The following HUWE1 variants were observed in gnomAD, a reference collection of about 807,000 sequenced individuals.
HUWE1 encodes E3 ubiquitin-protein ligase HUWE1.
In HUWE1, 18 loss-of-function variants were observed where a neutral mutation model predicts 299.4. The ratio of observed to expected loss-of-function variants is 0.06; its 90% CI spans 0.04 to 0.09. The LOEUF (loss-of-function observed/expected upper bound fraction) is 0.09. HUWE1 is among the 10% of genes least tolerant of loss of function. HUWE1 has a pLI of 1.00. For missense variants in HUWE1, 1,832 were observed against 3,462.3 expected (o/e 0.53, Z 11.82); for synonymous variants, 1,317 against 1,286.1 (o/e 1.02, Z -0.51).
rs183873245 is a variant in HUWE1, at chrX:53,596,697, T to C, written c.3164-1294A>G. On this transcript the variant is annotated intron_variant, in intron 29 of 83. Coordinates refer to ENST00000262854, the MANE Select transcript of HUWE1 (RefSeq NM_031407.7). Reference sequence around the variant, plus strand: ...GTGATCTCTCATGGTTCTCGCATTGTTTTTCATGTTTACCGCAATACTGAA... The same window carrying C: ...GTGATCTCTCATGGTTCTCGCATTGCTTTTCATGTTTACCGCAATACTGAA... 2.9e-4 allele frequency among the ~76,000 whole-genome samples: 32 copies of C among 112,157 alleles called. 1 individual carries two copies. The highest frequency in any genetic ancestry group is 8.4e-4 in the African/African-American group (26 of 30,871).
At chrX:53,626,133 A>G in intron 17 of HUWE1, 1 of 318,380 alleles carries the variant, frequency 3.1e-6, no homozygotes, top group Admixed American at 4.1e-5. Flanking sequence ...TGTGAAATGA[A>G]TATAAAAATG....
At chrX:53,602,703 A>AT in intron 27 of HUWE1, 45 bp from the exon 28 acceptor site, 1 of 662,107 alleles carries the variant, frequency 1.5e-6, no homozygotes, top group Non-Finnish European at 2.4e-6. Context: ...ATATATATAT[A>AT]TACTGATAAT....
At position 53,588,373 on chromosome X, in the gene HUWE1, A is replaced by G. The variant is rs1556975187; in HGVS notation, c.4614+9T>C. 8.3e-7 allele frequency: 1 copy of G among 1,206,731 alleles called. No individual in the cohort carries two copies. The highest frequency in any genetic ancestry group is 2.2e-5 in the Admixed American group (1 of 45,941). ...ATGAATTACAAGGCCCCAAAGATCT[A>G]AATCTTACCTCAAAAAGTAGCGTTA... is the stretch of plus-strand genomic sequence containing the variant. On this transcript the variant is annotated intron_variant, in intron 37 of 83. Coordinates refer to ENST00000262854, the MANE Select transcript of HUWE1 (RefSeq NM_031407.7).
chrX:53,625,748 AC>A (rs1184367010), intron 17 of HUWE1: 1 of 133,135 alleles, frequency 7.5e-6, no homozygotes, highest in African/African-American at 3.2e-5. Context: ...TAATAACTCT[AC>A]CACTCTGAAA....
At chrX:53,640,837 G>A (rs1336042977) in intron 7 of HUWE1, among the ~76,000 whole-genome samples, 2 of 112,186 alleles carry the variant, frequency 1.8e-5, no homozygotes, top group African/African-American at 6.5e-5. Context: ...ATATATGTGA[G>A]CCACTTATAC....
intron 67 of HUWE1, 35 bp downstream of exon 67, chrX:53,548,924 C>T (rs922447914): frequency 1.7e-6 from 2 of 1,144,249 alleles, no homozygotes; most frequent in African/African-American, 3.6e-5. Context: ...TGCCACCCTT[C>T]TTCCATCCCC....
chrX:53,618,310 GAGAA>G (rs1228272995), intron 19 of HUWE1, among the ~76,000 whole-genome samples: 1 of 110,197 alleles, frequency 9.1e-6, no homozygotes, highest in Non-Finnish European at 1.9e-5. Context: ...CATTAGGAAT[GAGAA>G]AGGAGATTTA....
At position 53,539,765 on chromosome X, in the gene HUWE1, G is replaced by A. The variant is rs1556916754; in HGVS notation, c.11524C>T (p.Pro3842Ser). ...QGEKEKEERPPELPLLSEQLS... is the reference protein window; with the variant it reads ...QGEKEKEERPSELPLLSEQLS... ...TGCTCGCTGAGCAGGGGTAACTCAGGTGGTCTTTCTTCCTTTTCCTTCTCC... is the reference window on the plus strand; with the variant it reads ...TGCTCGCTGAGCAGGGGTAACTCAGATGGTCTTTCTTCCTTTTCCTTCTCC... Residue 3842 changes from proline to serine, a missense_variant, in exon 75 of 84, where the codon CCT becomes TCT. Around this residue, in one of 15 missense-constraint regions of HUWE1, gnomAD observed 27 missense variants for 21.1 expected, o/e 1.28. Coordinates refer to ENST00000262854, the MANE Select transcript of HUWE1 (RefSeq NM_031407.7). 1 of 1,211,347 alleles carries A rather than the reference G, an allele frequency of 8.3e-7. No individual in the cohort carries two copies. Among genetic ancestry groups the A allele is most frequent in the South Asian group, 1.8e-5 (1 of 56,916 alleles).
rs2069844418 is a variant in HUWE1 at position 53,676,815 on chromosome X, T to C, written c.-25+3234A>G. 2.7e-5 allele frequency among the ~76,000 whole-genome samples: 3 copies of C among 112,078 alleles called. No homozygotes were observed. In the Admixed American group the frequency reaches 2.8e-4, roughly 11 times the overall value. On this transcript the variant is annotated intron_variant, in intron 3 of 83. Coordinates refer to ENST00000262854, the MANE Select transcript of HUWE1 (RefSeq NM_031407.7). ...ATGCATAGTTATATATACACTTATA[T>C]GTGTAACCTTTTGAAGATGACAGGG...
intron 27 of HUWE1, among the ~76,000 whole-genome samples, chrX:53,602,859 T>G (rs1024318021): frequency 7.4e-5 from 8 of 107,989 alleles, no homozygotes; most frequent in African/African-American, 2.7e-4. Context: ...TTTTTCTTTT[T>G]TTTTTTTTGG....
chrX:53,636,644 C>G (rs946638402), intron 7 of HUWE1, among the ~76,000 whole-genome samples: 3 of 111,769 alleles, frequency 2.7e-5, no homozygotes, highest in Non-Finnish European at 3.8e-5. Flanking sequence ...ATGGCCTGAA[C>G]CCGGGAGGCA....
chrX:53,591,045 C>G lies in HUWE1; in HGVS notation c.4050G>C (p.Glu1350Asp). ...TTGGAGGAGGGTGGGTTAAAAGGTACTCTGTGGCCTGCTCCATGGTGCTGG... is the reference window on the plus strand; with the variant it reads ...TTGGAGGAGGGTGGGTTAAAAGGTAGTCTGTGGCCTGCTCCATGGTGCTGG... ...LNTSTMEQATEYLLTHPPPIM... is the reference protein window; with the variant it reads ...LNTSTMEQATDYLLTHPPPIM... Residue 1350 changes from glutamate to aspartate, a missense_variant, in exon 34 of 84, where the codon GAG (glutamate) becomes GAC (aspartate). Around this residue, in one of 15 missense-constraint regions of HUWE1, gnomAD observed 658 missense variants for 1,282.6 expected, o/e 0.51. Transcript: ENST00000262854. 1 of 1,210,632 alleles carries G rather than the reference C, an allele frequency of 8.3e-7. No individual in the cohort carries two copies. Among genetic ancestry groups the G allele is most frequent in the Non-Finnish European group, 1.1e-6 (1 of 894,928 alleles).
chrX:53,583,911 G>T lies in HUWE1; in HGVS notation c.5167C>A (p.Pro1723Thr), dbSNP rs1478606307. Reference protein sequence around the residue: ...KRKENKGNDTPLALESTNTEK... With the variant: ...KRKENKGNDTTLALESTNTEK... ...GTGTTTGTACTCTCTAGGGCCAAAG[G>T]GGTATCTATAAAATGGGAAAATAAC... The change falls in exon 42 of 84, where the codon CCT becomes ACT. Residue 1723 changes from proline to threonine, a missense_variant. Pro to Thr is a conservative substitution (Grantham distance 38, BLOSUM62 -1). This residue lies in a region of HUWE1 where 46 missense variants were observed against 42.6 expected (regional missense o/e 1.08). Transcript: ENST00000262854. 6 of 1,180,334 alleles carry T rather than the reference G, an allele frequency of 5.1e-6. No individual in the cohort carries two copies. In the Admixed American group the frequency reaches 8.8e-5, roughly 17 times the overall value.
At chrX:53,679,637 T>TA (rs1312034297) in intron 3 of HUWE1, among the ~76,000 whole-genome samples, 11 of 111,042 alleles carry the variant, frequency 9.9e-5, no homozygotes, top group African/African-American at 2.9e-4. Flanking sequence ...TTAAAAAAAT[T>TA]AAAAAAAACC....
chrX:53,666,071 A>AT (rs1321644995), intron 3 of HUWE1, among the ~76,000 whole-genome samples: 2 of 112,747 alleles, frequency 1.8e-5, no homozygotes, highest in East Asian at 5.5e-4. Context: ...CACAGGCAGC[A>AT]TTCAATGAGT....
chrX:53,574,447 A>T (rs1255826160), intron 46 of HUWE1, among the ~76,000 whole-genome samples: 1 of 112,191 alleles, frequency 8.9e-6, no homozygotes, highest in Non-Finnish European at 1.9e-5. Context: ...GGTCTCAGTC[A>T]CTGGACAAAG....
intron 3 of HUWE1, among the ~76,000 whole-genome samples, chrX:53,667,986 G>A (rs1557048164): frequency 1.8e-5 from 2 of 110,961 alleles, no homozygotes; most frequent in South Asian, 3.8e-4. Context: ...ATGAAACACA[G>A]GTATATGGTA....
Position 53,607,570 on chromosome X carries a change from T to C in HUWE1, c.2449A>G (p.Thr817Ala). The C allele has an allele frequency of 8.3e-7, 1 of 1,211,368 alleles. No individual in the cohort carries two copies. The change falls in exon 25 of 84, where the codon ACA becomes GCA. Residue 817 changes from threonine (T) to alanine (A), a missense_variant. By Grantham distance (58) the Thr-to-Ala change is moderately conservative (BLOSUM62 0). Transcript: ENST00000262854. ...GLPNLPIDFPTSAACQAVAGV... is the reference protein window; with the variant it reads ...GLPNLPIDFPASAACQAVAGV... ...GCAACAGCCTGACAGGCAGCAGATGTGGGAAAGTCAATGGGCAGATTGGGA... is the reference window on the plus strand; with the variant it reads ...GCAACAGCCTGACAGGCAGCAGATGCGGGAAAGTCAATGGGCAGATTGGGA...
chrX:53,678,366 T>G (rs2069941570), intron 3 of HUWE1, among the ~76,000 whole-genome samples: 1 of 111,431 alleles, frequency 9.0e-6, no homozygotes, highest in African/African-American at 3.3e-5. Context: ...GACTTAAAAG[T>G]TGAGTTATTC....
Sources: gnomAD v4.1 joint callset for allele counts (sites outside exome capture counted in the v4.1 genomes callset) on GRCh38, gnomAD v4.1.1 for gene constraint, gnomAD v4.1.1 regional missense constraint, MANE v1.5 for transcripts, NCBI Gene and HGNC (gene_info 2026-07-23, HGNC 2026-07-21) for gene names.